CSMD1: variants seen among roughly 807,000 people sequenced by gnomAD.
The protein encoded by CSMD1 is CUB and sushi domain-containing protein 1.
Under a neutral mutation model 417.5 loss-of-function variants are expected in CSMD1, and 213 were observed. The observed-to-expected ratio is 0.51, with a 90% CI of 0.46 to 0.57. The LOEUF is 0.57. Ranked by LOEUF, CSMD1 falls within the 20% of genes least tolerant of loss-of-function variation. CSMD1 has a pLI of 0.00. For missense variants in CSMD1, 6,923 were observed against 4,529.7 expected (o/e 1.53, Z -15.17); for synonymous variants, 2,862 against 1,736.8 (o/e 1.65, Z -16.11).
At chr8:3,155,582 T>C (rs1819477190) in intron 39 of CSMD1, among the ~76,000 whole-genome samples, 1 of 151,704 alleles carries the variant, frequency 6.6e-6, no homozygotes, top group African/African-American at 2.4e-5. Context: ...TTAGCCAGGA[T>C]GGTCTCGATC....
intron 3 of CSMD1, among the ~76,000 whole-genome samples, chr8:4,365,444 T>C (rs780825380): frequency 6.6e-6 from 1 of 152,210 alleles, no homozygotes; most frequent in Non-Finnish European, 1.5e-5. Context: ...AAGACAACAT[T>C]TCTTTTTAGA....
intron 5 of CSMD1, among the ~76,000 whole-genome samples, chr8:3,764,788 C>G (rs1017348939): frequency 3.5e-5 from 5 of 144,188 alleles, no homozygotes; most frequent in African/African-American, 1.3e-4. Flanking sequence ...ACTCTGTTGC[C>G]TAGGCTGGAG....
intron 5 of CSMD1, among the ~76,000 whole-genome samples, chr8:3,953,842 G>A (rs774828971): frequency 2.6e-5 from 4 of 152,174 alleles, no homozygotes; most frequent in Admixed American, 6.5e-5. Context: ...AGTTCCTAGA[G>A]AGCCTAATGT....
At chr8:3,651,801 GCA>G (rs1797871019) in intron 7 of CSMD1, among the ~76,000 whole-genome samples, 1 of 144,228 alleles carries the variant, frequency 6.9e-6, no homozygotes. Flanking sequence ...CACCACCATC[GCA>G]CTTACCACCA....
At chr8:4,245,791 A>C (rs1227132496) in intron 3 of CSMD1, among the ~76,000 whole-genome samples, 1 of 152,144 alleles carries the variant, frequency 6.6e-6, no homozygotes, top group Admixed American at 6.5e-5. Flanking sequence ...CTATTTTCTT[A>C]ACAAAATTAG....
At chr8:3,540,177 G>T (rs1169131850) in intron 10 of CSMD1, among the ~76,000 whole-genome samples, 1 of 151,880 alleles carries the variant, frequency 6.6e-6, no homozygotes, top group African/African-American at 2.4e-5. Flanking sequence ...TGACAGTTTA[G>T]TCTTGAAAAA....
intron 3 of CSMD1, among the ~76,000 whole-genome samples, chr8:4,066,400 C>A (rs182215836): frequency 6.6e-6 from 1 of 151,796 alleles, no homozygotes; most frequent in African/African-American, 2.4e-5. Flanking sequence ...GGCATGTCCT[C>A]TTAATTTTAC....
At chr8:3,539,108 C>A (rs901615867) in intron 10 of CSMD1, among the ~76,000 whole-genome samples, 1 of 152,202 alleles carries the variant, frequency 6.6e-6, no homozygotes, top group Non-Finnish European at 1.5e-5. Flanking sequence ...CCTTTCCCTG[C>A]ACCCGCGGAT....
intron 3 of CSMD1, among the ~76,000 whole-genome samples, chr8:4,227,541 C>A (rs773564306): frequency 6.6e-6 from 1 of 152,046 alleles, no homozygotes; most frequent in East Asian, 1.9e-4. Flanking sequence ...AACTGAGAAG[C>A]AGGGGTGCCA....
At chr8:4,529,443 G>A (rs532113906) in intron 2 of CSMD1, among the ~76,000 whole-genome samples, 1 of 152,024 alleles carries the variant, frequency 6.6e-6, no homozygotes, top group Non-Finnish European at 1.5e-5. Flanking sequence ...TTAAAAATAT[G>A]TTATTTCTTA....
rs1375447736 is a variant in CSMD1, at chr8:3,190,050, C to G, written c.5260G>C (p.Gly1754Arg). Reference protein sequence around the residue: ...VPEPRYGRRIGSEFSAGSIVR... With the variant: ...VPEPRYGRRIRSEFSAGSIVR... ...ATGGAGCCGGCAGAAAACTCAGAACCAATTCTCCTTCCGTATCTGGGCTCG... is the reference window on the plus strand; with the variant it reads ...ATGGAGCCGGCAGAAAACTCAGAACGAATTCTCCTTCCGTATCTGGGCTCG... Residue 1754 changes from glycine (G) to arginine (R), a missense_variant, in exon 34 of 70, where the codon GGT becomes CGT. Coordinates refer to ENST00000635120, the MANE Select transcript of CSMD1 (RefSeq NM_033225.6). The G allele has an allele frequency of 3.8e-6, 6 of 1,595,918 alleles. No homozygotes were observed. Among genetic ancestry groups the G allele is most frequent in the Non-Finnish European group, 5.1e-6 (6 of 1,171,454 alleles).
intron 5 of CSMD1, among the ~76,000 whole-genome samples, chr8:3,845,031 A>G (rs1280412711): frequency 1.3e-5 from 2 of 152,232 alleles, no homozygotes; most frequent in East Asian, 1.9e-4. Context: ...GTATAATTTT[A>G]TAACACAATA....
chr8:4,702,810 G>T (rs900617732), intron 1 of CSMD1, among the ~76,000 whole-genome samples: 1 of 152,004 alleles, frequency 6.6e-6, no homozygotes, highest in Non-Finnish European at 1.5e-5. Flanking sequence ...ATAATAGCGG[G>T]ATTCATCATA....
intron 4 of CSMD1, among the ~76,000 whole-genome samples, chr8:4,018,056 G>T (rs989418835): frequency 6.8e-6 from 1 of 145,992 alleles, no homozygotes; most frequent in African/African-American, 2.7e-5. Context: ...CACTAGTGTG[G>T]GTATGTATGC....
chr8:4,188,144 A>C (rs1055979220), intron 3 of CSMD1, among the ~76,000 whole-genome samples: 3 of 152,168 alleles, frequency 2.0e-5, no homozygotes, highest in Non-Finnish European at 4.4e-5. Context: ...TGCCACACAC[A>C]TCCTAACGTA....
intron 10 of CSMD1, among the ~76,000 whole-genome samples, chr8:3,556,415 T>TATATATATATATACACATACATA (rs1799148435): frequency 3.5e-5 from 2 of 57,100 alleles, no homozygotes; most frequent in African/African-American, 1.2e-4. Context: ...ATATATATAT[T>TATATATATATATACACATACATA]CACACACACA....
chr8:4,734,492 A>C (rs544671952), intron 1 of CSMD1, among the ~76,000 whole-genome samples: 69 of 152,272 alleles, frequency 4.5e-4, no homozygotes, highest in Non-Finnish European at 8.8e-4. Flanking sequence ...AAGCTCTAAG[A>C]TTTTTTTATT....
chr8:3,835,560 G>A (rs984049919), intron 5 of CSMD1, among the ~76,000 whole-genome samples: 1 of 152,036 alleles, frequency 6.6e-6, no homozygotes, highest in Admixed American at 6.6e-5. Context: ...GCACCTCAGG[G>A]ACTGTTGTGG....
intron 1 of CSMD1, among the ~76,000 whole-genome samples, chr8:4,950,814 T>G (rs1220901089): frequency 2.0e-5 from 3 of 152,100 alleles, no homozygotes; most frequent in African/African-American, 7.2e-5. Flanking sequence ...TCAACCACTC[T>G]TGGTGACCAT....
Sources: allele counts gnomAD v4.1 joint callset (sites outside exome capture counted in the v4.1 genomes callset), GRCh38; gene constraint gnomAD v4.1.1; transcripts MANE v1.5; gene names NCBI Gene and HGNC (gene_info 2026-07-23, HGNC 2026-07-21).